CSMD1: variants seen among roughly 807,000 people sequenced by gnomAD.
CSMD1 encodes the protein CUB and Sushi multiple domains 1, also known as CUB and sushi domain-containing protein 1.
CSMD1 carries 213 observed loss-of-function variants against 417.5 expected under a neutral mutation model. The observed-to-expected ratio is 0.51, with a 90% CI of 0.46 to 0.57. The LOEUF is 0.57. Among genes scored for constraint, CSMD1 ranks in the 20% least tolerant of loss-of-function variants. The pLI is 0.00. For synonymous variants in CSMD1, 2,862 were observed against 1,736.8 expected (o/e 1.65, Z -16.11); for missense variants, 6,923 against 4,529.7 (o/e 1.53, Z -15.17).
intron 1 of CSMD1, among the ~76,000 whole-genome samples, chr8:4,972,702 C>T (rs28410599): frequency 7.0e-6 from 1 of 143,048 alleles, no homozygotes; most frequent in Non-Finnish European, 1.6e-5. Context: ...GAATTTAAAA[C>T]TTTTGCTTTA....
chr8:4,115,404 A>G (rs1802080957), intron 3 of CSMD1, among the ~76,000 whole-genome samples: 1 of 152,230 alleles, frequency 6.6e-6, no homozygotes, highest in African/African-American at 2.4e-5. Context: ...CTAAGCCAAC[A>G]TATTCCTATG....
chr8:4,333,759 C>T (rs1563065992), intron 3 of CSMD1, among the ~76,000 whole-genome samples: 2 of 152,194 alleles, frequency 1.3e-5, no homozygotes, highest in South Asian at 2.1e-4. Context: ...CTGCCTGCCA[C>T]GGGTAGGTAG....
At chr8:4,268,555 A>T (rs959622174) in intron 3 of CSMD1, among the ~76,000 whole-genome samples, 1 of 152,174 alleles carries the variant, frequency 6.6e-6, no homozygotes, top group African/African-American at 2.4e-5. Flanking sequence ...CACTTACTTG[A>T]AAGATTAGAG....
intron 2 of CSMD1, among the ~76,000 whole-genome samples, chr8:4,502,955 G>C (rs918524871): frequency 3.3e-5 from 5 of 151,972 alleles, no homozygotes; most frequent in Non-Finnish European, 7.4e-5. Flanking sequence ...TCTCTAAATG[G>C]TATAAGAGAT....
intron 1 of CSMD1, among the ~76,000 whole-genome samples, chr8:4,891,157 G>C (rs752468706): frequency 5.3e-5 from 8 of 152,090 alleles, no homozygotes; most frequent in East Asian, 1.9e-4. Context: ...TGTGTTTTGA[G>C]TCAATGAGAT....
intron 2 of CSMD1, among the ~76,000 whole-genome samples, chr8:4,524,887 A>C (rs151179146): frequency 1.8e-3 from 267 of 152,276 alleles, no homozygotes; most frequent in African/African-American, 5.8e-3. Flanking sequence ...ATGACTTCTA[A>C]GTATTCTTAA....
chr8:3,621,391 T>G (rs1796236645), intron 7 of CSMD1, among the ~76,000 whole-genome samples: 1 of 151,960 alleles, frequency 6.6e-6, no homozygotes, highest in Admixed American at 6.6e-5. Context: ...GTAATCAAAG[T>G]CAGAGAGCCA....
At chr8:3,069,653 T>A (rs1813192013) in intron 49 of CSMD1, among the ~76,000 whole-genome samples, 2 of 152,156 alleles carry the variant, frequency 1.3e-5, no homozygotes, top group Admixed American at 1.3e-4. Flanking sequence ...TCTCAGCAGC[T>A]GGAGTTGAGT....
At chr8:4,551,262 T>C (rs574379943) in intron 2 of CSMD1, among the ~76,000 whole-genome samples, 3 of 152,200 alleles carry the variant, frequency 2.0e-5, no homozygotes, top group Admixed American at 2.0e-4. Flanking sequence ...TATCTTTTTA[T>C]AGTTAAAATC....
chr8:3,108,696 C>T lies in CSMD1; in HGVS notation c.6661G>A (p.Ala2221Thr). The T allele has an allele frequency of 6.2e-7, 1 of 1,613,592 alleles. No individual in the cohort carries two copies. The highest frequency in any genetic ancestry group is 8.5e-7 in the Non-Finnish European group (1 of 1,179,728). ...PQLGVFSGNT[A>T]LETAYSSTNQ... ...GTGGAGCTATACGCCGTTTCGAGGG[C>T]TGTGTTGCCACTGAAAACTCCCAGC... The change falls in exon 44 of 70, where the codon GCC becomes ACC. Residue 2221 changes from alanine to threonine, a missense_variant. By Grantham distance (58) the Ala-to-Thr change is moderately conservative (BLOSUM62 0). Coordinates refer to ENST00000635120, the MANE Select transcript of CSMD1 (RefSeq NM_033225.6).
intron 5 of CSMD1, among the ~76,000 whole-genome samples, chr8:3,789,737 T>TA (rs1476784881): frequency 2.7e-5 from 4 of 146,850 alleles, no homozygotes; most frequent in Non-Finnish European, 6.0e-5. Context: ...TTTTTTTTTT[T>TA]TTTTTTTTTT....
At chr8:3,655,219 C>G (rs1798042868) in intron 7 of CSMD1, among the ~76,000 whole-genome samples, 1 of 152,152 alleles carries the variant, frequency 6.6e-6, no homozygotes, top group Non-Finnish European at 1.5e-5. Context: ...TAATGATCAT[C>G]TAAAACGTCA....
intron 3 of CSMD1, among the ~76,000 whole-genome samples, chr8:4,410,630 T>C (rs940008935): frequency 1.3e-5 from 2 of 152,204 alleles, no homozygotes; most frequent in Non-Finnish European, 2.9e-5. Context: ...CCAAATGTAA[T>C]GTATATGCAT....
At chr8:3,060,849 C>T (rs1812547139) in intron 49 of CSMD1, among the ~76,000 whole-genome samples, 1 of 152,100 alleles carries the variant, frequency 6.6e-6, no homozygotes, top group African/African-American at 2.4e-5. Flanking sequence ...CAGAGTCATG[C>T]CATTTTGTCC....
At chr8:4,057,110 C>T (rs1798736440) in intron 3 of CSMD1, among the ~76,000 whole-genome samples, 1 of 152,218 alleles carries the variant, frequency 6.6e-6, no homozygotes, top group Admixed American at 6.5e-5. Context: ...GGAATCGCCA[C>T]ACTGACTTCC....
At chr8:4,972,228 G>A (rs1011587) in intron 1 of CSMD1, among the ~76,000 whole-genome samples, 100,946 of 151,860 alleles carry the variant, frequency 0.66, 34,104 homozygotes, top group Middle Eastern at 0.81. Context: ...TTTGTGTCCT[G>A]TAAGAGTCAC....
In CSMD1 at chr8:3,223,867, G is replaced by T. The variant is rs375503699; in HGVS notation, c.4346C>A (p.Ala1449Asp). Residue 1449 changes from alanine to aspartate, a missense_variant and splice_region_variant, in exon 28 of 70, where the codon GCT (alanine) becomes GAT (aspartate). Transcript: ENST00000635120. ...FWQPDPPTCIAACGGNLTGPA... is the reference protein window; with the variant it reads ...FWQPDPPTCIDACGGNLTGPA... ...GCCCGTCAGATTCCCTCCACAAGCA[G>T]CTGTCACAGAACAAAAGTTACAGAG... 2 of 1,613,514 alleles carry T rather than the reference G, an allele frequency of 1.2e-6. No homozygotes were observed. The highest frequency in any genetic ancestry group is 8.5e-7 in the Non-Finnish European group (1 of 1,179,730).
intron 4 of CSMD1, among the ~76,000 whole-genome samples, chr8:4,019,892 C>G (rs1046676552): frequency 2.1e-5 from 3 of 144,664 alleles, no homozygotes; most frequent in African/African-American, 5.2e-5. Flanking sequence ...GTTTCTTATT[C>G]TAAAGAATAG....
chr8:3,364,586 G>C (rs1170637691), intron 20 of CSMD1, among the ~76,000 whole-genome samples: 1 of 152,132 alleles, frequency 6.6e-6, no homozygotes, highest in African/African-American at 2.4e-5. Flanking sequence ...CTGGAAATTT[G>C]ATCCCCTTTT....
Sources: gnomAD v4.1 joint callset for allele counts (sites outside exome capture counted in the v4.1 genomes callset) on GRCh38, gnomAD v4.1.1 for gene constraint, MANE v1.5 for transcripts, NCBI Gene and HGNC (gene_info 2026-07-23, HGNC 2026-07-21) for gene names.